Variants in CALHM1 observed in about 807,000 individuals in gnomAD.
CALHM1 encodes the protein calcium homeostasis modulator 1.
Under a neutral mutation model 14.8 loss-of-function variants are expected in CALHM1, and 11 were observed. The ratio of observed to expected loss-of-function variants is 0.74; its 90% CI spans 0.47 to 1.23. The LOEUF (loss-of-function observed/expected upper bound fraction) is 1.23, where lower values mean the gene tolerates loss of function less well. Ranked by LOEUF, CALHM1 falls within the 50% of genes most tolerant of loss-of-function variation. The pLI is 0.00. For synonymous variants in CALHM1, 215 were observed against 218.9 expected (o/e 0.98, Z 0.16); for missense variants, 458 against 496.4 (o/e 0.92, Z 0.74).
Position 103,458,548 on chromosome 10 carries a change from G to T in CALHM1, c.204C>A (p.Gly68=), listed in dbSNP as rs1269068358. 9.9e-6 allele frequency: 16 copies of T among 1,613,814 alleles called. No homozygotes were observed. The highest frequency in any genetic ancestry group is 1.4e-5 in the Non-Finnish European group (16 of 1,180,044). The change falls in exon 1 of 2, where the codon GGC becomes GGA. Residue 68 remains glycine, a synonymous_variant. Transcript: ENST00000329905. This position sits in a 1 kb window ranked among gnomAD's most constrained non-coding sequence, Gnocchi z 4.9. ...TGGACACGTTGTTGTTCATGACCAG[G>T]CCAAGCAGAAAGAGCACCAGGGGTG... ...LAPPLVLFLL[G]LVMNNNVSML...
In CALHM1 at chr10:103,455,023, A is replaced by G; in HGVS notation, c.*239T>C. 1 of 601,826 alleles carries G rather than the reference A, an allele frequency of 1.7e-6. No individual in the cohort carries two copies. Among genetic ancestry groups the G allele is most frequent in the South Asian group, 2.2e-5 (1 of 45,884 alleles). The allele number at this position is 601,826 out of a possible 1,614,324, so 37.3% of individuals were successfully genotyped here. ...ATGACAGTTCCGACCCCTTTAGACT[A>G]ATACTGCTCATGGGCCCACTGCCCT... On this transcript the variant is annotated 3_prime_UTR_variant, in exon 2 of 2. Transcript: ENST00000329905.
chr10:103,458,223 C>A lies in CALHM1; in HGVS notation c.529G>T (p.Val177Leu). The change falls in exon 1 of 2, where the codon GTG becomes TTG. Residue 177 changes from valine (V) to leucine (L), a missense_variant. By Grantham distance (32) the Val-to-Leu change is conservative. Coordinates refer to ENST00000329905, the MANE Select transcript of CALHM1 (RefSeq NM_001001412.4). This position sits in a 1 kb window ranked among gnomAD's most constrained non-coding sequence, Gnocchi z 4.9. ...TGGGAGATGCAGCGGAGGTAACGCA[C>A]GGCCACCTCTCGGGCCAACAGCCAG... ...GDWLLAREVA[V>L]RYLRCISQAL... 6.2e-7 allele frequency: 1 copy of A among 1,612,830 alleles called. No individual in the cohort carries two copies. The highest frequency in any genetic ancestry group is 8.5e-7 in the Non-Finnish European group (1 of 1,179,780).
rs1420900383 is a variant in CALHM1 at position 103,455,739 on chromosome 10, G to A, written c.564C>T (p.Gly188=). ...GAGTGGTCAGCAGCACGAAGGACCA[G>A]CCCAGCGCCTGTGGGAAGATGAGAG... ...RYLRCISQAL[G]WSFVLLTTLL... Residue 188 remains glycine (G), a synonymous_variant, in exon 2 of 2, where the codon GGC becomes GGT. Transcript: ENST00000329905. The A allele has an allele frequency of 3.7e-6, 6 of 1,610,942 alleles. No homozygotes were observed. The African/African-American group carries it at 5.3e-5, about 14-fold the overall frequency.
chr10:103,456,986 A>C (rs1198531585), intron 1 of CALHM1, among the ~76,000 whole-genome samples: 1 of 152,056 alleles, frequency 6.6e-6, no homozygotes, highest in African/African-American at 2.4e-5. Flanking sequence ...TTTTGGAGAC[A>C]GGGTCTCACT....
chr10:103,458,464 C>T lies in CALHM1; in HGVS notation c.288G>A (p.Leu96=), dbSNP rs564050141. 144 of 1,613,124 alleles carry T rather than the reference C, an allele frequency of 8.9e-5. 3 individuals are homozygous for T. In the South Asian group the frequency reaches 1.5e-3, roughly 17 times the overall value. The change falls in exon 1 of 2, where the codon TTG becomes TTA. Residue 96 remains leucine, a synonymous_variant. Coordinates refer to ENST00000329905, the MANE Select transcript of CALHM1 (RefSeq NM_001001412.4). The surrounding 1 kb of genome is among the most constrained non-coding windows in gnomAD (Gnocchi z 4.9). ...GGGCCATGGAGCAGAACATGTAGCG[C>T]AACACAGCGGGGTCCTTGGCCCGGC... ...LGRRAKDPAV[L]RYMFCSMAQR... is the part of the protein sequence containing the mutation.
rs776488312 is a variant in CALHM1 at position 103,458,423 on chromosome 10, G to A, written c.329C>T (p.Ala110Val). The change falls in exon 1 of 2, where the codon GCG (alanine) becomes GTG (valine). Residue 110 changes from alanine (A) to valine (V), a missense_variant. By Grantham distance (64) the Ala-to-Val change is moderately conservative. Transcript: ENST00000329905. This position sits in a 1 kb window ranked among gnomAD's most constrained non-coding sequence, Gnocchi z 4.9. ...CGTGACGGCCACCCAGACGACAGGCGCGATGAGGGCGCGCTGGGCCATGGA... is the reference window on the plus strand; with the variant it reads ...CGTGACGGCCACCCAGACGACAGGCACGATGAGGGCGCGCTGGGCCATGGA... Reference protein sequence around the residue: ...FCSMAQRALIAPVVWVAVTLL... With the variant: ...FCSMAQRALIVPVVWVAVTLL... 9.3e-6 allele frequency: 15 copies of A among 1,609,748 alleles called. No individual in the cohort carries two copies. Among genetic ancestry groups the A allele is most frequent in the Admixed American group, 3.3e-5 (2 of 59,866 alleles).
At position 103,458,795 on chromosome 10, in the gene CALHM1, C is replaced by T. The variant is rs2033189878; in HGVS notation, c.-44G>A. On this transcript the variant is annotated 5_prime_UTR_variant, in exon 1 of 2. Transcript: ENST00000329905. The surrounding 1 kb of genome is among the most constrained non-coding windows in gnomAD (Gnocchi z 4.9). ...CCTCCTCTTCCCAACTCACTGCTGC[C>T]TCCAAGAGGGCCCCTGCTGCCCACC... is the stretch of plus-strand genomic sequence containing the variant. 8 of 1,544,516 alleles carry T rather than the reference C, an allele frequency of 5.2e-6. No homozygotes were observed. Among genetic ancestry groups the T allele is most frequent in the Non-Finnish European group, 6.1e-6 (7 of 1,148,742 alleles).
chr10:103,455,230 T>A lies in CALHM1; in HGVS notation c.*32A>T, dbSNP rs759999910. On this transcript the variant is annotated 3_prime_UTR_variant, in exon 2 of 2. Coordinates refer to ENST00000329905, the MANE Select transcript of CALHM1 (RefSeq NM_001001412.4). Reference sequence around the variant, plus strand: ...GGGTTGGAGGGGCTGTGGGCTCAGATCCCCGTTCCTGCCTCTTCAGCTGGC... The same window carrying A: ...GGGTTGGAGGGGCTGTGGGCTCAGAACCCCGTTCCTGCCTCTTCAGCTGGC... 4 of 1,539,612 alleles carry A rather than the reference T, an allele frequency of 2.6e-6. No individual in the cohort carries two copies. In the African/African-American group the frequency reaches 4.1e-5, roughly 16 times the overall value.
rs2033184359 is a variant in CALHM1 at position 103,458,560 on chromosome 10, G to A, written c.192C>T (p.Leu64=). 1 of 1,613,772 alleles carries A rather than the reference G, an allele frequency of 6.2e-7. No individual in the cohort carries two copies. The highest frequency in any genetic ancestry group is 8.5e-7 in the Non-Finnish European group (1 of 1,180,048). Reference sequence around the variant, plus strand: ...TGTTCATGACCAGGCCAAGCAGAAAGAGCACCAGGGGTGGCGCCAGCAGGA... The same window carrying A: ...TGTTCATGACCAGGCCAAGCAGAAAAAGCACCAGGGGTGGCGCCAGCAGGA... ...AGILLAPPLV[L]FLLGLVMNNN... Residue 64 remains leucine (L), a synonymous_variant, in exon 1 of 2, where the codon CTC becomes CTT. Coordinates refer to ENST00000329905, the MANE Select transcript of CALHM1 (RefSeq NM_001001412.4). This position sits in a 1 kb window ranked among gnomAD's most constrained non-coding sequence, Gnocchi z 4.9.
chr10:103,455,341 G>A lies in CALHM1; in HGVS notation c.962C>T (p.Pro321Leu), dbSNP rs778025044. 7 of 1,613,428 alleles carry A rather than the reference G, an allele frequency of 4.3e-6. No individual in the cohort carries two copies. The highest frequency in any genetic ancestry group is 1.7e-5 in the Admixed American group (1 of 59,994). ...CCCAGCCCAGCCGTTGCCCATCAGC[G>A]GTGGCTCCTCCTGGCCCAGCCGCAG... is the stretch of plus-strand genomic sequence containing the variant. Reference protein sequence around the residue: ...PPLRLGQEEPPLMGNGWAGGG... With the variant: ...PPLRLGQEEPLLMGNGWAGGG... Residue 321 changes from proline (P) to leucine (L), a missense_variant, in exon 2 of 2, where the codon CCG (proline) becomes CTG (leucine). Pro to Leu is a moderately conservative substitution (Grantham distance 98). Coordinates refer to ENST00000329905, the MANE Select transcript of CALHM1 (RefSeq NM_001001412.4).
chr10:103,458,096 C>T lies in CALHM1; in HGVS notation c.555+101G>A. On this transcript the variant is annotated intron_variant, in intron 1 of 1. Coordinates refer to ENST00000329905, the MANE Select transcript of CALHM1 (RefSeq NM_001001412.4). This position sits in a 1 kb window ranked among gnomAD's most constrained non-coding sequence, Gnocchi z 4.9. ...ATGCCCCCCACACCTCGGAGCTCCA[C>T]CTGAGCAGAGGCCCCATTTTGAGAG... 1 of 1,396,648 alleles carries T rather than the reference C, an allele frequency of 7.2e-7. No individual in the cohort carries two copies. Among genetic ancestry groups the T allele is most frequent in the African/African-American group, 1.4e-5 (1 of 70,450 alleles). The allele number at this position is 1,396,648 out of a possible 1,614,324, so 86.5% of individuals were successfully genotyped here. A position where few individuals can be genotyped will look rare whatever the true frequency, so the allele number is the denominator to read the frequency against.
Position 103,455,658 on chromosome 10 carries a change from G to C in CALHM1, c.645C>G (p.Leu215=). Residue 215 remains leucine (L), a synonymous_variant, in exon 2 of 2, where the codon CTC becomes CTG. Coordinates refer to ENST00000329905, the MANE Select transcript of CALHM1 (RefSeq NM_001001412.4). ...VRPCFTQAAF[L]KSKYWSHYID... is the part of the protein sequence containing the mutation. ...TATAGTGGGACCAGTACTTGCTCTT[G>C]AGGAAGGCGGCCTGCGTGAAGCAGG... The C allele has an allele frequency of 6.2e-7, 1 of 1,613,600 alleles. No individual in the cohort carries two copies. The highest frequency in any genetic ancestry group is 8.5e-7 in the Non-Finnish European group (1 of 1,180,050).
chr10:103,457,011 G>A (rs1479477310), intron 1 of CALHM1, among the ~76,000 whole-genome samples: 4 of 152,096 alleles, frequency 2.6e-5, no homozygotes, highest in Non-Finnish European at 5.9e-5. Context: ...TCCCTAGGCT[G>A]GTCTTGAACT....
At chr10:103,456,524 G>A (rs1341708847) in intron 1 of CALHM1, among the ~76,000 whole-genome samples, 1 of 152,248 alleles carries the variant, frequency 6.6e-6, no homozygotes, top group Non-Finnish European at 1.5e-5. Context: ...ATGCTCCCCT[G>A]GCCCACGCTT....
Position 103,458,022 on chromosome 10 carries a change from C to G in CALHM1, c.555+175G>C, listed in dbSNP as rs1412091646. Among the ~76,000 whole-genome samples the G allele has an allele frequency of 1.3e-5, 2 of 152,188 alleles. No homozygotes were observed. Among genetic ancestry groups the G allele is most frequent in the Admixed American group, 1.3e-4 (2 of 15,288 alleles). Reference sequence around the variant, plus strand: ...GCCAAAGCACGTTCTCCGGATGGCCCTGGGCTGAGGGCAGATGCGTGGCTC... The same window carrying G: ...GCCAAAGCACGTTCTCCGGATGGCCGTGGGCTGAGGGCAGATGCGTGGCTC... On this transcript the variant is annotated intron_variant, in intron 1 of 1. Coordinates refer to ENST00000329905, the MANE Select transcript of CALHM1 (RefSeq NM_001001412.4). The surrounding 1 kb of genome is among the most constrained non-coding windows in gnomAD (Gnocchi z 4.9).
At position 103,458,796 on chromosome 10, in the gene CALHM1, T is replaced by C; in HGVS notation, c.-45A>G. 6.5e-7 allele frequency: 1 copy of C among 1,542,578 alleles called. No individual in the cohort carries two copies. Among genetic ancestry groups the C allele is most frequent in the Non-Finnish European group, 8.7e-7 (1 of 1,147,674 alleles). ...CTCCTCTTCCCAACTCACTGCTGCC[T>C]CCAAGAGGGCCCCTGCTGCCCACCC... On this transcript the variant is annotated 5_prime_UTR_variant, in exon 1 of 2. Coordinates refer to ENST00000329905, the MANE Select transcript of CALHM1 (RefSeq NM_001001412.4). This position sits in a 1 kb window ranked among gnomAD's most constrained non-coding sequence, Gnocchi z 4.9.
intron 1 of CALHM1, among the ~76,000 whole-genome samples, chr10:103,457,859 T>A (rs2033168548): frequency 6.6e-6 from 1 of 152,206 alleles, no homozygotes; most frequent in Non-Finnish European, 1.5e-5. Context: ...GCCTCACCAC[T>A]GCCGAGGCCC....
chr10:103,456,484 C>T (rs185896966), intron 1 of CALHM1, among the ~76,000 whole-genome samples: 208 of 152,396 alleles, frequency 1.4e-3, no homozygotes, highest in African/African-American at 4.8e-3. Flanking sequence ...CAGCTCTGCT[C>T]TGTCACCTCA....
At position 103,455,493 on chromosome 10, in the gene CALHM1, G is replaced by A. The variant is rs538993041; in HGVS notation, c.810C>T (p.Ala270=). 6.6e-5 allele frequency: 106 copies of A among 1,613,534 alleles called. 1 individual carries two copies. The South Asian group carries it at 1.1e-3, about 17-fold the overall frequency. Residue 270 remains alanine (A), a synonymous_variant, in exon 2 of 2, where the codon GCC becomes GCT. Transcript: ENST00000329905. ...TCGTGGGGGCAGCTGCGGAAGCAGG[G>A]GCCGTGGCCAGTGTCCCGTGGGTGT... is the stretch of plus-strand genomic sequence containing the variant. ...LGHTHGTLAT[A]PASAAAPTTP...
Sources: allele counts gnomAD v4.1 joint callset (sites outside exome capture counted in the v4.1 genomes callset), GRCh38; gene constraint gnomAD v4.1.1; non-coding constraint Gnocchi (gnomAD v3.1); transcripts MANE v1.5; gene names NCBI Gene and HGNC (gene_info 2026-07-23, HGNC 2026-07-21).